The following ARHGAP32 variants were observed in gnomAD, a reference collection of about 807,000 sequenced individuals.
The protein encoded by ARHGAP32 is rho GTPase-activating protein 32.
In ARHGAP32, 51 loss-of-function variants were observed where a neutral mutation model predicts 186.5. That is an observed-to-expected ratio of 0.27 (90% CI 0.22 to 0.35). The LOEUF (loss-of-function observed/expected upper bound fraction) is 0.35. Ranked by LOEUF, ARHGAP32 falls within the 10% of genes least tolerant of loss-of-function variation. The pLI is 1.00. For missense variants in ARHGAP32, 2,186 were observed against 2,623.5 expected (o/e 0.83, Z 3.64); for synonymous variants, 950 against 964.3 (o/e 0.99, Z 0.27).
intron 11 of ARHGAP32, among the ~76,000 whole-genome samples, chr11:129,014,148 C>T (rs775625842): frequency 3.3e-5 from 5 of 152,204 alleles, no homozygotes; most frequent in Non-Finnish European, 7.3e-5. Context: ...GTTATTTAGA[C>T]ATGACACACT....
intron 6 of ARHGAP32, among the ~76,000 whole-genome samples, chr11:129,078,545 T>C (rs1189755525): frequency 1.3e-5 from 2 of 152,316 alleles, no homozygotes; most frequent in South Asian, 2.1e-4. Flanking sequence ...CAGGTTGTAG[T>C]GCAGTGGCAC....
chr11:129,033,823 T>G (rs569807186), intron 11 of ARHGAP32, among the ~76,000 whole-genome samples: 1 of 152,202 alleles, frequency 6.6e-6, no homozygotes, highest in Non-Finnish European at 1.5e-5. Context: ...GTACTCTTTA[T>G]TGAAATGACT....
At chr11:129,251,707 C>T (rs1255185027) in intron 1 of ARHGAP32, among the ~76,000 whole-genome samples, 3 of 151,830 alleles carry the variant, frequency 2.0e-5, no homozygotes, top group Non-Finnish European at 4.4e-5. Flanking sequence ...GGGGGGATCA[C>T]CAGATCAGGA....
chr11:129,085,241 A>G (rs2135236860), intron 6 of ARHGAP32, among the ~76,000 whole-genome samples: 1 of 152,174 alleles, frequency 6.6e-6, no homozygotes, highest in East Asian at 1.9e-4. Context: ...CCTGATCTCA[A>G]TCTCCTAGCC....
chr11:129,000,033 T>C (rs955562734), intron 11 of ARHGAP32, among the ~76,000 whole-genome samples: 1 of 152,166 alleles, frequency 6.6e-6, no homozygotes, highest in Non-Finnish European at 1.5e-5. Context: ...TGAATATAAC[T>C]GAAAAAAGAA....
intron 11 of ARHGAP32, among the ~76,000 whole-genome samples, chr11:129,014,131 C>T (rs918230394): frequency 2.6e-5 from 4 of 152,164 alleles, no homozygotes; most frequent in Non-Finnish European, 5.9e-5. Context: ...ACAACATGTG[C>T]CACAATGTTA....
chr11:128,974,107 A>C lies in ARHGAP32; in HGVS notation c.3073+17T>G. ...CCCTCTTAACTTAAAGAAAGAATGG[A>C]GGAAAACAAACGGTACCTGTCTGAG... On this transcript the variant is annotated intron_variant, in intron 21 of 22. Coordinates refer to ENST00000682385, the MANE Select transcript of ARHGAP32 (RefSeq NM_001378024.1). 1 of 1,610,544 alleles carries C rather than the reference A, an allele frequency of 6.2e-7. No homozygotes were observed. Among genetic ancestry groups the C allele is most frequent in the Non-Finnish European group, 8.5e-7 (1 of 1,178,160 alleles).
chr11:129,044,974 A>G (rs1316602966), intron 10 of ARHGAP32, among the ~76,000 whole-genome samples: 1 of 152,210 alleles, frequency 6.6e-6, no homozygotes, highest in East Asian at 1.9e-4. Flanking sequence ...TATCACATAC[A>G]TTAGTTACAT....
chr11:129,146,772 T>G (rs923686797), intron 2 of ARHGAP32, among the ~76,000 whole-genome samples: 19 of 152,150 alleles, frequency 1.2e-4, no homozygotes, highest in Non-Finnish European at 2.4e-4. Context: ...TTCCAGCTCC[T>G]TTTTAGATAT....
At chr11:129,208,242 T>C (rs1565469016) in intron 1 of ARHGAP32, among the ~76,000 whole-genome samples, 1 of 152,220 alleles carries the variant, frequency 6.6e-6, no homozygotes, top group Non-Finnish European at 1.5e-5. Context: ...CATCCCATTC[T>C]AGTCTATTAA....
rs1945627743 is a variant in ARHGAP32 at position 128,978,837 on chromosome 11, A to G, written c.2055T>C (p.Ser685=). 6.2e-7 allele frequency: 1 copy of G among 1,613,152 alleles called. No homozygotes were observed. Among genetic ancestry groups the G allele is most frequent in the Admixed American group, 1.7e-5 (1 of 59,908 alleles). The change falls in exon 19 of 23, where the codon TCT becomes TCC. Residue 685 remains serine, a synonymous_variant. Coordinates refer to ENST00000682385, the MANE Select transcript of ARHGAP32 (RefSeq NM_001378024.1). The part of the protein sequence containing the change: ...RSFFNLGKSS[S]VSKRKLQRNE... ...TCCGCTGCAGCTTTCGTTTAGAAAC[A>G]GATGATGATTTCCCCAAGTTGAAAA...
At chr11:129,238,813 G>A (rs531332361) in intron 1 of ARHGAP32, among the ~76,000 whole-genome samples, 53 of 150,936 alleles carry the variant, frequency 3.5e-4, no homozygotes, top group Non-Finnish European at 6.3e-4. Context: ...GACTTCTGAT[G>A]ATGCAATAAA....
intron 1 of ARHGAP32, among the ~76,000 whole-genome samples, chr11:129,199,023 G>A (rs1944427127): frequency 6.6e-6 from 1 of 152,158 alleles, no homozygotes; most frequent in Non-Finnish European, 1.5e-5. Flanking sequence ...CAAAGAGACT[G>A]GTGGCATTTT....
At chr11:129,223,182 T>C (rs894629613) in intron 1 of ARHGAP32, among the ~76,000 whole-genome samples, 2 of 152,190 alleles carry the variant, frequency 1.3e-5, no homozygotes, top group African/African-American at 2.4e-5. Context: ...CACATTTTAA[T>C]TCAGAATAGC....
intron 1 of ARHGAP32, among the ~76,000 whole-genome samples, chr11:129,262,792 A>T (rs1282777133): frequency 6.6e-6 from 1 of 152,202 alleles, no homozygotes; most frequent in Non-Finnish European, 1.5e-5. Context: ...CCAAAAAAAA[A>T]ACCTCACAAC....
intron 2 of ARHGAP32, among the ~76,000 whole-genome samples, chr11:129,141,671 G>A (rs1224583318): frequency 6.7e-6 from 1 of 149,516 alleles, no homozygotes; most frequent in African/African-American, 2.5e-5. Flanking sequence ...AATACTATGT[G>A]TATTTTATTA....
At chr11:129,180,728 A>C (rs991788861) in intron 1 of ARHGAP32, among the ~76,000 whole-genome samples, 4 of 152,146 alleles carry the variant, frequency 2.6e-5, no homozygotes, top group Non-Finnish European at 5.9e-5. Context: ...GCTGCCAACC[A>C]TAATACCTAA....
chr11:129,094,754 C>T (rs1163816622), intron 5 of ARHGAP32, among the ~76,000 whole-genome samples: 1 of 152,164 alleles, frequency 6.6e-6, no homozygotes, highest in Non-Finnish European at 1.5e-5. Context: ...CACACCTGCC[C>T]CATCTTTGGA....
intron 2 of ARHGAP32, among the ~76,000 whole-genome samples, chr11:129,143,010 A>G (rs1943090106): frequency 7.3e-6 from 1 of 137,318 alleles, no homozygotes; most frequent in African/African-American, 2.6e-5. Context: ...GATGAAGGGG[A>G]AAAAAATTTG....
Sources: gnomAD v4.1 joint callset for allele counts (sites outside exome capture counted in the v4.1 genomes callset) on GRCh38, gnomAD v4.1.1 for gene constraint, MANE v1.5 for transcripts, NCBI Gene and HGNC (gene_info 2026-07-23, HGNC 2026-07-21) for gene names.